The following GRM7 variants were observed in gnomAD, a reference collection of about 807,000 sequenced individuals.
GRM7 encodes the protein metabotropic glutamate receptor 7.
In GRM7, 35 loss-of-function variants were observed where a neutral mutation model predicts 84.5. The ratio of observed to expected loss-of-function variants is 0.41; its 90% CI spans 0.32 to 0.55. The LOEUF (loss-of-function observed/expected upper bound fraction) is 0.55, where lower values mean the gene tolerates loss of function less well. Among genes scored for constraint, GRM7 ranks in the 20% least tolerant of loss-of-function variants. GRM7 has a pLI of 0.19. For synonymous variants in GRM7, 487 were observed against 455.1 expected (o/e 1.07, Z -0.89); for missense variants, 1,003 against 1,194.6 (o/e 0.84, Z 2.36).
At chr3:7,187,371 T>A (rs1305375915) in intron 2 of GRM7, among the ~76,000 whole-genome samples, 1 of 152,172 alleles carries the variant, frequency 6.6e-6, no homozygotes, top group African/African-American at 2.4e-5. Flanking sequence ...TATCATCGCT[T>A]GTTTGTCTCT....
At chr3:7,099,436 A>G (rs1471809035) in intron 1 of GRM7, among the ~76,000 whole-genome samples, 1 of 149,398 alleles carries the variant, frequency 6.7e-6, no homozygotes, top group East Asian at 1.9e-4. Context: ...ATACGTATAC[A>G]TTATACATAT....
At chr3:7,390,948 G>A (rs1694966637) in intron 4 of GRM7, among the ~76,000 whole-genome samples, 1 of 151,930 alleles carries the variant, frequency 6.6e-6, no homozygotes, top group Non-Finnish European at 1.5e-5. Context: ...CAGCATTCTT[G>A]TGTTGGTTTC....
At chr3:7,112,897 G>T (rs1692908245) in intron 1 of GRM7, among the ~76,000 whole-genome samples, 1 of 152,134 alleles carries the variant, frequency 6.6e-6, no homozygotes, top group East Asian at 1.9e-4. Flanking sequence ...TGTTAACTTT[G>T]AACAGAAGCT....
At chr3:7,591,757 C>G (rs1266053334) in intron 8 of GRM7, among the ~76,000 whole-genome samples, 1 of 152,148 alleles carries the variant, frequency 6.6e-6, no homozygotes, top group Non-Finnish European at 1.5e-5. Flanking sequence ...ATATAGATTA[C>G]TTCTTTGAAA....
At chr3:7,712,290 T>C (rs1406721727) in intron 9 of GRM7, among the ~76,000 whole-genome samples, 2 of 152,222 alleles carry the variant, frequency 1.3e-5, no homozygotes, top group Admixed American at 6.5e-5. Context: ...CTATGAAGTA[T>C]ATGCCATAGA....
chr3:7,521,811 C>T (rs890253230), intron 7 of GRM7, among the ~76,000 whole-genome samples: 10 of 152,110 alleles, frequency 6.6e-5, no homozygotes, highest in South Asian at 2.1e-4. Context: ...CAAGTAGACA[C>T]GTAGAAACTC....
intron 9 of GRM7, among the ~76,000 whole-genome samples, chr3:7,690,269 C>T (rs1448412336): frequency 6.6e-6 from 1 of 152,084 alleles, no homozygotes; most frequent in Non-Finnish European, 1.5e-5. Flanking sequence ...CTAGTAAGTA[C>T]TAGGCTGTGA....
At chr3:7,422,187 G>A (rs1696424326) in intron 5 of GRM7, among the ~76,000 whole-genome samples, 1 of 152,070 alleles carries the variant, frequency 6.6e-6, no homozygotes, top group Non-Finnish European at 1.5e-5. Flanking sequence ...TCAAGGGCAG[G>A]TAGTAAATAT....
At chr3:7,300,336 C>G (rs1436677816) in intron 3 of GRM7, among the ~76,000 whole-genome samples, 3 of 152,300 alleles carry the variant, frequency 2.0e-5, no homozygotes, top group African/African-American at 4.8e-5. Flanking sequence ...CTGAATCCAT[C>G]CATCTCCTAG....
chr3:7,095,971 G>C (rs1698845852), intron 1 of GRM7, among the ~76,000 whole-genome samples: 1 of 152,052 alleles, frequency 6.6e-6, no homozygotes, highest in Non-Finnish European at 1.5e-5. Context: ...TGTGTGTATA[G>C]ATACACATAT....
chr3:7,647,284 A>G (rs560478970), intron 8 of GRM7, among the ~76,000 whole-genome samples: 3 of 152,264 alleles, frequency 2.0e-5, no homozygotes, highest in Non-Finnish European at 4.4e-5. Context: ...TCTTACAAAG[A>G]ATGGGTACAG....
chr3:7,571,058 A>G (rs967675934), intron 7 of GRM7, among the ~76,000 whole-genome samples: 6 of 152,100 alleles, frequency 3.9e-5, no homozygotes, highest in African/African-American at 1.4e-4. Context: ...CCAATTTCCT[A>G]TGCTTCACAC....
intron 2 of GRM7, among the ~76,000 whole-genome samples, chr3:7,285,993 A>G (rs1259245812): frequency 6.6e-6 from 1 of 152,160 alleles, no homozygotes; most frequent in Non-Finnish European, 1.5e-5. Flanking sequence ...AATCTGGATG[A>G]TTGTGTGCAT....
chr3:7,337,102 C>G (rs930341394), intron 4 of GRM7, among the ~76,000 whole-genome samples: 2 of 151,988 alleles, frequency 1.3e-5, no homozygotes, highest in African/African-American at 4.8e-5. Flanking sequence ...ATAGAGAATT[C>G]AGAAATAAAT....
intron 5 of GRM7, among the ~76,000 whole-genome samples, chr3:7,446,479 G>A: frequency 2.8e-5 from 1 of 35,908 alleles, no homozygotes; most frequent in Non-Finnish European, 6.1e-5. Context: ...TTTTTTTTTT[G>A]AGACGGAGTC....
chr3:7,421,319 G>C (rs1476212815), intron 5 of GRM7, among the ~76,000 whole-genome samples: 1 of 152,104 alleles, frequency 6.6e-6, no homozygotes, highest in African/African-American at 2.4e-5. Flanking sequence ...TTGATTCTGA[G>C]GGCAATAATT....
chr3:7,096,615 A>T (rs1698870157), intron 1 of GRM7, among the ~76,000 whole-genome samples: 3 of 152,052 alleles, frequency 2.0e-5, no homozygotes, highest in Admixed American at 1.3e-4. Context: ...ATACATAGGC[A>T]CGACTGGTGA....
chr3:6,861,348 C>T lies in GRM7; in HGVS notation c.-41C>T. The stretch of plus-strand genomic sequence containing the variant: ...GGACCTCGGCGAGCCCACCACCGTT[C>T]CCTCCAGCGCCGCCGCCGCCACCGC... On this transcript the variant is annotated 5_prime_UTR_variant, in exon 1 of 10. Coordinates refer to ENST00000357716, the MANE Select transcript of GRM7 (RefSeq NM_000844.4). The surrounding 1 kb of genome is among the most constrained non-coding windows in gnomAD (Gnocchi z 6.4). 1.4e-6 allele frequency: 2 copies of T among 1,461,482 alleles called. No individual in the cohort carries two copies. The highest frequency in any genetic ancestry group is 9.0e-7 in the Non-Finnish European group (1 of 1,116,476). 90.5% of individuals were successfully genotyped at this position (1,461,482 alleles called of 1,614,324 possible).
At chr3:6,952,088 C>A (rs1273683689) in intron 1 of GRM7, among the ~76,000 whole-genome samples, 1 of 151,868 alleles carries the variant, frequency 6.6e-6, no homozygotes, top group Non-Finnish European at 1.5e-5. Context: ...CTATTTGTTT[C>A]AGATTTCAAA....
Sources: gnomAD v4.1 joint callset for allele counts (sites outside exome capture counted in the v4.1 genomes callset) on GRCh38, gnomAD v4.1.1 for gene constraint, Gnocchi (gnomAD v3.1) non-coding constraint, MANE v1.5 for transcripts, NCBI Gene and HGNC (gene_info 2026-07-23, HGNC 2026-07-21) for gene names.